The following PLD1 variants were observed in gnomAD, a reference collection of about 807,000 sequenced individuals.
The protein encoded by PLD1 is phospholipase D1.
PLD1 carries 112 observed loss-of-function variants against 137.1 expected under a neutral mutation model. The ratio of observed to expected loss-of-function variants is 0.82; its 90% CI spans 0.70 to 0.96. The LOEUF (loss-of-function observed/expected upper bound fraction) is 0.96. Among genes scored for constraint, PLD1 ranks in the 40% least tolerant of loss-of-function variants. The pLI is 0.00. For synonymous variants in PLD1, 431 were observed against 454.7 expected, an observed-to-expected ratio of 0.95 and a Z score of 0.66; for missense variants, 1,321 against 1,342.0, an observed-to-expected ratio of 0.98 and a Z score of 0.24.
intron 25 of PLD1, among the ~76,000 whole-genome samples, chr3:171,611,896 A>G (rs1036814300): frequency 2.0e-5 from 3 of 152,106 alleles, no homozygotes; most frequent in African/African-American, 7.2e-5. Context: ...CCTGGGCAGC[A>G]CAGCGAGACA....
At chr3:171,628,436 G>C (rs1734336903) in intron 23 of PLD1, among the ~76,000 whole-genome samples, 1 of 152,104 alleles carries the variant, frequency 6.6e-6, no homozygotes, top group African/African-American at 2.4e-5. Context: ...AGAGGTATAA[G>C]GAGGAACTGG....
At chr3:171,650,242 A>T (rs1161893992) in intron 21 of PLD1, among the ~76,000 whole-genome samples, 1 of 152,150 alleles carries the variant, frequency 6.6e-6, no homozygotes, top group African/African-American at 2.4e-5. Context: ...GAGTTCGGGG[A>T]AAAACAGGAT....
chr3:171,670,949 T>G (rs572570479), intron 19 of PLD1, among the ~76,000 whole-genome samples: 1 of 152,232 alleles, frequency 6.6e-6, no homozygotes, highest in Non-Finnish European at 1.5e-5. Context: ...CATTAACACC[T>G]GTACTTTGAA....
chr3:171,678,381 TA>T (rs767581429), intron 16 of PLD1, among the ~76,000 whole-genome samples: 1 of 152,120 alleles, frequency 6.6e-6, no homozygotes, highest in Non-Finnish European at 1.5e-5. Flanking sequence ...ATGGCATTTA[TA>T]AAAAATATGG....
intron 14 of PLD1, among the ~76,000 whole-genome samples, 170 bp from the exon 15 acceptor site, chr3:171,687,754 G>A (rs992407163): frequency 7.2e-5 from 11 of 152,164 alleles, no homozygotes; most frequent in Non-Finnish European, 1.6e-4. Context: ...CTTGTGAACT[G>A]TTTAAAAACT....
intron 19 of PLD1, among the ~76,000 whole-genome samples, chr3:171,670,588 G>C (rs1222144955): frequency 1.3e-5 from 2 of 152,208 alleles, no homozygotes; most frequent in Non-Finnish European, 2.9e-5. Flanking sequence ...TTCAGGACCA[G>C]AGGAATAAAA....
At chr3:171,787,221 T>A (rs1488505015) in intron 1 of PLD1, among the ~76,000 whole-genome samples, 3 of 152,126 alleles carry the variant, frequency 2.0e-5, no homozygotes, top group African/African-American at 7.2e-5. Flanking sequence ...TGTGCTGAAG[T>A]ACCAACTAAC....
rs1724065714 is a variant in PLD1, at chr3:171,810,394, C to G, written c.-32+5G>C. 1 of 152,324 alleles carries G rather than the reference C, an allele frequency of 6.6e-6. No homozygotes were observed. The highest frequency in any genetic ancestry group is 2.4e-5 in the African/African-American group (1 of 41,466). The allele number at this position is 152,324 out of a possible 1,614,324, so 9.4% of individuals were successfully genotyped here. Reference sequence around the variant, plus strand: ...CGGTGATCCGGGTCTCGGCGCGGCTCCTACCTGCAGGGCGAAGGGGCCGCT... The same window carrying G: ...CGGTGATCCGGGTCTCGGCGCGGCTGCTACCTGCAGGGCGAAGGGGCCGCT... On this transcript the variant is annotated splice_donor_5th_base_variant and intron_variant, in intron 1 of 26. Coordinates refer to ENST00000351298, the MANE Select transcript of PLD1 (RefSeq NM_002662.5).
Position 171,764,867 on chromosome 3 carries a change from GAAA to G in PLD1, c.-31-26788_-31-26786del, listed in dbSNP as rs1560288163. 2.1e-3 allele frequency among the ~76,000 whole-genome samples: 50 copies of G among 24,244 alleles called. 7 individuals carry two copies. The highest frequency in any genetic ancestry group is 6.1e-3 in the South Asian group (8 of 1,312). The allele number at this position is 24,244 out of a possible 152,430, so 15.9% of individuals were successfully genotyped here. ...AGAAAGAAAGAAAGAAAGAAAGAAA[GAAA>G]GAAAGAAAGAAAGAAAGAAAGAAAG... On this transcript the variant is annotated intron_variant, in intron 1 of 26. Coordinates refer to ENST00000351298, the MANE Select transcript of PLD1 (RefSeq NM_002662.5).
chr3:171,678,989 C>CCT (rs11268323), intron 16 of PLD1, among the ~76,000 whole-genome samples: 169 of 152,264 alleles, frequency 1.1e-3, no homozygotes, highest in African/African-American at 3.9e-3. Context: ...TATCACCTGC[C>CCT]ATCTCCCCAT....
chr3:171,763,680 C>T (rs926128832), intron 1 of PLD1, among the ~76,000 whole-genome samples: 2 of 151,986 alleles, frequency 1.3e-5, no homozygotes, highest in African/African-American at 4.8e-5. Context: ...TATTCCTGAT[C>T]CCTGATTTTA....
rs1560216493 is a variant in PLD1, at chr3:171,687,391, C to T, written c.1733G>A (p.Ser578Asn). ...CTTACTGGAGGTGCTGTCAATGCTG[C>T]TGATGCTATCTGCGTCGTGCAGGTG... ...RHHLHDADSI[S>N]SIDSTSSYFN... Residue 578 changes from serine to asparagine, a missense_variant, in exon 15 of 27, where the codon AGC (serine) becomes AAC (asparagine). By Grantham distance (46) the Ser-to-Asn change is conservative. Transcript: ENST00000351298. 2 of 1,614,112 alleles carry T rather than the reference C, an allele frequency of 1.2e-6. No homozygotes were observed. Among genetic ancestry groups the T allele is most frequent in the South Asian group, 1.1e-5 (1 of 91,082 alleles).
intron 1 of PLD1, among the ~76,000 whole-genome samples, chr3:171,800,073 A>G (rs1320495418): frequency 6.6e-6 from 1 of 152,246 alleles, no homozygotes; most frequent in Non-Finnish European, 1.5e-5. Context: ...ATATTTGTTC[A>G]TTAATTATAA....
At chr3:171,651,588 T>C (rs1347491983) in intron 21 of PLD1, among the ~76,000 whole-genome samples, 2 of 152,202 alleles carry the variant, frequency 1.3e-5, no homozygotes, top group Non-Finnish European at 2.9e-5. Context: ...TGTGACTTCA[T>C]AGATTATGAA....
rs141227593 is a variant in PLD1 at position 171,625,234 on chromosome 3, C to T, written c.2594-4714G>A. Among the ~76,000 whole-genome samples the T allele has an allele frequency of 2.8e-3, 419 of 152,310 alleles. 4 individuals are homozygous for T. The highest frequency in any genetic ancestry group is 3.0e-3 in the Non-Finnish European group (206 of 68,020). On this transcript the variant is annotated intron_variant, in intron 23 of 26. Transcript: ENST00000351298. ...CATGGCTTGGAGGCTCCCACGCCCACGGAGTCTCGCTGATTGCTAGCACAG... is the reference window on the plus strand; with the variant it reads ...CATGGCTTGGAGGCTCCCACGCCCATGGAGTCTCGCTGATTGCTAGCACAG...
chr3:171,635,382 C>A (rs558951293), intron 23 of PLD1, among the ~76,000 whole-genome samples: 67 of 152,220 alleles, frequency 4.4e-4, no homozygotes, highest in African/African-American at 1.6e-3. Flanking sequence ...TCATTCCCAA[C>A]AGTAATGTGT....
intron 1 of PLD1, among the ~76,000 whole-genome samples, chr3:171,776,547 G>A (rs1309994217): frequency 1.3e-5 from 2 of 152,154 alleles, no homozygotes; most frequent in Admixed American, 1.3e-4. Flanking sequence ...AAATTAGATG[G>A]ACAAGCTGAA....
chr3:171,689,766 C>A lies in PLD1; in HGVS notation c.1339-890G>T, dbSNP rs113548069. ...ACCCTCCCACTTCAGCTTCCCAAAGCGCTGGGACTACATGCATGAGCCACC... is the reference window on the plus strand; with the variant it reads ...ACCCTCCCACTTCAGCTTCCCAAAGAGCTGGGACTACATGCATGAGCCACC... On this transcript the variant is annotated intron_variant, in intron 13 of 26. Coordinates refer to ENST00000351298, the MANE Select transcript of PLD1 (RefSeq NM_002662.5). Among the ~76,000 whole-genome samples the A allele has an allele frequency of 1.4e-3, 208 of 152,268 alleles. 3 individuals are homozygous for A. The highest frequency in any genetic ancestry group is 4.8e-3 in the African/African-American group (199 of 41,552).
chr3:171,626,885 C>T (rs1331874068), intron 23 of PLD1, among the ~76,000 whole-genome samples: 9 of 152,210 alleles, frequency 5.9e-5, no homozygotes, highest in Non-Finnish European at 1.0e-4. Flanking sequence ...CTGGTACCAG[C>T]CACTGCAAAA....
Sources: gnomAD v4.1 joint callset for allele counts (sites outside exome capture counted in the v4.1 genomes callset) on GRCh38, gnomAD v4.1.1 for gene constraint, MANE v1.5 for transcripts, NCBI Gene and HGNC (gene_info 2026-07-23, HGNC 2026-07-21) for gene names.